Variants in RNPS1 observed in about 807,000 individuals in gnomAD.
RNPS1 encodes the protein RNA-binding protein with serine-rich domain 1.
For synonymous variants in RNPS1, 147 were observed against 150.0 expected (o/e 0.98, Z 0.15); for missense variants, 300 against 427.6 (o/e 0.70, Z 2.63).
At chr16:2,268,033 G>A in intron 1 of RNPS1, 22 bp downstream of exon 1, 5 of 1,534,180 alleles carry the variant, frequency 3.3e-6, no homozygotes, top group Non-Finnish European at 4.4e-6. Context: ...CACGGATGCA[G>A]TCGGATTCCG....
chr16:2,260,657 T>C (rs2093599356), intron 6 of RNPS1, among the ~76,000 whole-genome samples: 1 of 152,212 alleles, frequency 6.6e-6, no homozygotes, highest in Non-Finnish European at 1.5e-5. Flanking sequence ...TAATTGTACA[T>C]ATCCATGGCT....
At chr16:2,254,194 G>C (rs2093566041) in intron 7 of RNPS1, 131 bp from the exon 8 acceptor site, 1 of 637,986 alleles carries the variant, frequency 1.6e-6, no homozygotes, top group Middle Eastern at 2.6e-4. Context: ...AGAGTGCAGT[G>C]GCACGATCTC....
Position 2,253,646 on chromosome 16 carries a change from C to T in RNPS1, c.*318G>A. 1 of 488,934 alleles carries T rather than the reference C, an allele frequency of 2.0e-6. No homozygotes were observed. The highest frequency in any genetic ancestry group is 3.7e-6 in the Non-Finnish European group (1 of 269,030). 30.3% of individuals were successfully genotyped at this position (488,934 alleles called of 1,614,324 possible). On this transcript the variant is annotated 3_prime_UTR_variant, in exon 8 of 8. Transcript: ENST00000320225. ...TCATCGGGGAAGGGAAAAGTGTGCT[C>T]CCAGGTAAGCAGGGTCAAACCACCC...
At chr16:2,259,703 C>T (rs1403228842) in intron 6 of RNPS1, among the ~76,000 whole-genome samples, 2 of 152,318 alleles carry the variant, frequency 1.3e-5, no homozygotes, top group South Asian at 2.1e-4. Flanking sequence ...TCCTGGCTAA[C>T]AGGGTGAAAC....
chr16:2,263,417 G>A, intron 3 of RNPS1, 130 bp from the exon 4 acceptor site: 1 of 840,860 alleles, frequency 1.2e-6, no homozygotes, highest in South Asian at 1.7e-5. Flanking sequence ...ACTGCTTTCA[G>A]CAGTGGGGAA....
rs138401688 is a variant in RNPS1 at position 2,263,201 on chromosome 16, C to T, written c.314G>A (p.Arg105His). 1.5e-5 allele frequency: 24 copies of T among 1,613,480 alleles called. No individual in the cohort carries two copies. Among genetic ancestry groups the T allele is most frequent in the East Asian group, 1.1e-4 (5 of 44,866 alleles). The change falls in exon 4 of 8, where the codon CGC becomes CAC. Residue 105 changes from arginine to histidine, a missense_variant. Physicochemically the swap from Arg to His is conservative, Grantham distance 29. Coordinates refer to ENST00000320225, the MANE Select transcript of RNPS1 (RefSeq NM_080594.4). ...GCGGGAGGTGCTGGAGCTTCCTGAG[C>T]GGCTGGATGCTGAGGAAGAGCTGGA... ...SGSSSSSASS[R>H]SGSSSTSRSS...
At chr16:2,255,518 C>T (rs2093574081) in intron 7 of RNPS1, 67 bp downstream of exon 7, 1 of 1,513,702 alleles carries the variant, frequency 6.6e-7, no homozygotes, top group Non-Finnish European at 8.8e-7. Context: ...AATAAAGGGT[C>T]TGAAAGTCAC....
intron 1 of RNPS1, chr16:2,266,748 T>C (rs1460582069): frequency 5.1e-6 from 5 of 978,310 alleles, no homozygotes; most frequent in Non-Finnish European, 6.1e-6. Context: ...AAGCATCACC[T>C]GAAATTCCTT....
intron 6 of RNPS1, 172 bp from the exon 7 acceptor site, chr16:2,255,898 C>T (rs2093576161): frequency 1.5e-6 from 1 of 665,894 alleles, no homozygotes; most frequent in South Asian, 1.8e-5. Flanking sequence ...GAAGCTGAGG[C>T]AGGTGGATCA....
At chr16:2,267,733 C>T in intron 1 of RNPS1, 1 of 1,280,826 alleles carries the variant, frequency 7.8e-7, no homozygotes, top group Non-Finnish European at 9.9e-7. Context: ...CTTGGGTCTC[C>T]GGCCCGGCGG....
At chr16:2,254,163 ATATCACTCTGTCTC>A in intron 7 of RNPS1, 100 bp from the exon 8 acceptor site, 1 of 859,304 alleles carries the variant, frequency 1.2e-6, no homozygotes, top group South Asian at 1.9e-5. Context: ...TTGAGATGGA[ATATCACTCTGTCTC>A]CAGGCCAGAG....
At chr16:2,262,215 T>C (rs1022619237) in intron 6 of RNPS1, 63 bp downstream of exon 6, 55 of 1,522,800 alleles carry the variant, frequency 3.6e-5, no homozygotes, top group Non-Finnish European at 4.9e-5. Flanking sequence ...TGGAAATCAG[T>C]TTGAAAGCCC....
At position 2,255,719 on chromosome 16, in the gene RNPS1, A is replaced by C; in HGVS notation, c.684T>G (p.Ile228Met). The change falls in exon 7 of 8, where the codon ATT becomes ATG. Residue 228 changes from isoleucine to methionine, a missense_variant. Ile to Met is a conservative substitution (Grantham distance 10). Coordinates refer to ENST00000320225, the MANE Select transcript of RNPS1 (RefSeq NM_080594.4). ...KALKHMDGGQ[I>M]DGQEITATAV... ...CGGTGGCAGTGATCTCCTGGCCATC[A>C]ATTTGTCCTGTTGAAAAAGACAGCA... is the stretch of plus-strand genomic sequence containing the variant. 6.2e-7 allele frequency: 1 copy of C among 1,613,814 alleles called. No individual in the cohort carries two copies. Among genetic ancestry groups the C allele is most frequent in the Non-Finnish European group, 8.5e-7 (1 of 1,179,992 alleles).
At chr16:2,264,361 GT>G in intron 2 of RNPS1, 30 bp from the exon 3 acceptor site, 1 of 1,613,946 alleles carries the variant, frequency 6.2e-7, no homozygotes, top group Non-Finnish European at 8.5e-7. Flanking sequence ...GTGAGATTGC[GT>G]GCTCCTCTGA....
At chr16:2,261,068 T>C (rs1446762076) in intron 6 of RNPS1, among the ~76,000 whole-genome samples, 1 of 151,506 alleles carries the variant, frequency 6.6e-6, no homozygotes, top group Non-Finnish European at 1.5e-5. Flanking sequence ...AGGCAGAGCT[T>C]GCAGTGGGCC....
At chr16:2,267,485 G>A in intron 1 of RNPS1, 1 of 1,002,198 alleles carries the variant, frequency 1.0e-6, no homozygotes, top group South Asian at 3.8e-5. Flanking sequence ...TATCCCCACG[G>A]CCTAGCGCCG....
intron 6 of RNPS1, chr16:2,257,984 C>T (rs2093586205): frequency 6.6e-6 from 1 of 152,238 alleles, no homozygotes. Flanking sequence ...GCAGAGATGA[C>T]TCCACATGCC....
At chr16:2,257,763 T>C (rs572253236) in intron 6 of RNPS1, 2 of 152,344 alleles carry the variant, frequency 1.3e-5, no homozygotes, top group East Asian at 1.9e-4. Context: ...AAAGAAAAGT[T>C]AGCCAAATAT....
chr16:2,263,982 G>A (rs1004958822), intron 3 of RNPS1, 194 bp downstream of exon 3: 8 of 577,354 alleles, frequency 1.4e-5, no homozygotes, highest in African/African-American at 3.9e-5. Context: ...CTCCTGCCTC[G>A]GCCTCCCAAA....
Sources: gnomAD v4.1 joint callset for allele counts (sites outside exome capture counted in the v4.1 genomes callset) on GRCh38, gnomAD v4.1.1 for gene constraint, MANE v1.5 for transcripts, NCBI Gene and HGNC (gene_info 2026-07-23, HGNC 2026-07-21) for gene names.